The following KAT14 variants were observed in gnomAD, a reference collection of about 807,000 sequenced individuals.
KAT14 encodes cysteine-rich protein 2-binding protein.
In KAT14, 66 loss-of-function variants were observed where a neutral mutation model predicts 78.4. That is an observed-to-expected ratio of 0.84 (90% CI 0.69 to 1.03). KAT14 has a LOEUF of 1.03. Ranked by LOEUF, KAT14 falls within the 50% of genes least tolerant of loss-of-function variation. KAT14 has a pLI of 0.00. For synonymous variants in KAT14, 344 were observed against 359.4 expected, an observed-to-expected ratio of 0.96 and a Z score of 0.48; for missense variants, 870 against 972.5, an observed-to-expected ratio of 0.89 and a Z score of 1.40.
chr20:18,160,599 T>C (rs2038383532), intron 5 of KAT14, among the ~76,000 whole-genome samples: 1 of 152,132 alleles, frequency 6.6e-6, no homozygotes, highest in African/African-American at 2.4e-5. Context: ...TATTTATTTA[T>C]TTTTTAATTA....
At chr20:18,177,393 A>G (rs1479260803) in intron 7 of KAT14, among the ~76,000 whole-genome samples, 2 of 152,210 alleles carry the variant, frequency 1.3e-5, no homozygotes, top group East Asian at 1.9e-4. Context: ...TATTTCTGCT[A>G]CTTTCTGATT....
chr20:18,178,130 G>A (rs1385483070), intron 7 of KAT14, among the ~76,000 whole-genome samples: 1 of 140,194 alleles, frequency 7.1e-6, no homozygotes, highest in Admixed American at 6.9e-5. Context: ...AAAAACAAAA[G>A]TGACTTGGGT....
chr20:18,137,890 G>T lies in KAT14; in HGVS notation c.-615G>T. Reference sequence around the variant, plus strand: ...GCCTGGGCAGTACAGGCGGCGGTGCGCACTCTGCGGCGGCCTCTGCGCCTC... The same window carrying T: ...GCCTGGGCAGTACAGGCGGCGGTGCTCACTCTGCGGCGGCCTCTGCGCCTC... On this transcript the variant is annotated 5_prime_UTR_variant, in exon 1 of 11. Coordinates refer to ENST00000688188, the MANE Select transcript of KAT14 (RefSeq NM_001392073.1). The T allele has an allele frequency of 7.1e-7, 1 of 1,412,670 alleles. No individual in the cohort carries two copies. The highest frequency in any genetic ancestry group is 9.2e-7 in the Non-Finnish European group (1 of 1,083,484). 87.5% of individuals were successfully genotyped at this position (1,412,670 alleles called of 1,614,324 possible).
chr20:18,161,086 A>C (rs2038403027), intron 5 of KAT14, among the ~76,000 whole-genome samples: 1 of 151,920 alleles, frequency 6.6e-6, no homozygotes, highest in South Asian at 2.1e-4. Context: ...AGGCAGGAGA[A>C]TTGCTTGAAC....
intron 4 of KAT14, 95 bp downstream of exon 4, chr20:18,151,037 T>G (rs910242716): frequency 4.2e-5 from 62 of 1,489,232 alleles, no homozygotes; most frequent in Non-Finnish European, 5.3e-5. Context: ...TGTTAGAGAT[T>G]TATTTTAATT....
chr20:18,161,920 A>C lies in KAT14; in HGVS notation c.780A>C (p.Lys260Asn). 6.2e-7 allele frequency: 1 copy of C among 1,614,156 alleles called. No homozygotes were observed. Among genetic ancestry groups the C allele is most frequent in the Non-Finnish European group, 8.5e-7 (1 of 1,180,026 alleles). The change falls in exon 6 of 11, where the codon AAA becomes AAC. Residue 260 changes from lysine (K) to asparagine (N), a missense_variant. By Grantham distance (94) the Lys-to-Asn change is moderately conservative. Transcript: ENST00000688188. ...PVESAMELKEKRSRTQEAKDI... is the reference protein window; with the variant it reads ...PVESAMELKENRSRTQEAKDI... ...AATCTGCCATGGAATTAAAAGAGAA[A>C]AGGTCTCGAACTCAGGAAGCAAAAG...
chr20:18,180,392 C>T (rs1440287422), intron 7 of KAT14, among the ~76,000 whole-genome samples: 4 of 152,198 alleles, frequency 2.6e-5, no homozygotes, highest in Non-Finnish European at 5.9e-5. Context: ...TCACTATCAG[C>T]ATTTTTGTCA....
chr20:18,173,836 A>G (rs909965062), intron 7 of KAT14, among the ~76,000 whole-genome samples: 2 of 152,200 alleles, frequency 1.3e-5, no homozygotes, highest in Non-Finnish European at 2.9e-5. Context: ...CAGCTTTATT[A>G]ACATACAGTT....
At chr20:18,160,991 AT>A (rs2038398248) in intron 5 of KAT14, among the ~76,000 whole-genome samples, 1 of 152,072 alleles carries the variant, frequency 6.6e-6, no homozygotes, top group Non-Finnish European at 1.5e-5. Context: ...CCTGGCCAAC[AT>A]GATGAAACCC....
chr20:18,182,660 C>A (rs969458648), intron 8 of KAT14, among the ~76,000 whole-genome samples: 1 of 152,222 alleles, frequency 6.6e-6, no homozygotes, highest in Non-Finnish European at 1.5e-5. Flanking sequence ...AATTGCCCTG[C>A]AGCTCCATGA....
At position 18,187,631 on chromosome 20, in the gene KAT14, C is replaced by A; in HGVS notation, c.*172C>A. On this transcript the variant is annotated 3_prime_UTR_variant, in exon 11 of 11. Transcript: ENST00000688188. Reference sequence around the variant, plus strand: ...ATGCAGTGAAATGAGCAGTGAGCAGCCCTTTAGCAAAATCGCCCTCCAGTC... The same window carrying A: ...ATGCAGTGAAATGAGCAGTGAGCAGACCTTTAGCAAAATCGCCCTCCAGTC... The A allele has an allele frequency of 9.1e-7, 1 of 1,100,384 alleles. No homozygotes were observed. Among genetic ancestry groups the A allele is most frequent in the Non-Finnish European group, 1.2e-6 (1 of 805,046 alleles). 68.2% of individuals were successfully genotyped at this position (1,100,384 alleles called of 1,614,324 possible). A position where few individuals can be genotyped will look rare whatever the true frequency, so the allele number is the denominator to read the frequency against.
At chr20:18,171,593 C>T (rs946595170) in intron 7 of KAT14, among the ~76,000 whole-genome samples, 7 of 152,128 alleles carry the variant, frequency 4.6e-5, no homozygotes, top group African/African-American at 7.2e-5. Flanking sequence ...GGGCGGATCA[C>T]GTGAGGTCAG....
In KAT14 at chr20:18,145,224, TTCTCCTAG is replaced by T; in HGVS notation, c.260-8_260-1del. On this transcript the variant is annotated splice_acceptor_variant and splice_polypyrimidine_tract_variant and intron_variant, in intron 2 of 10. Transcript: ENST00000688188. LOFTEE classifies it high-confidence loss of function. ...AAACCCATGATGTGACTTTTTGTTTTTCTCCTAGGTCAGCTGAGGGAACAGCTCAGTTA... is the reference window on the plus strand; with the variant it reads ...AAACCCATGATGTGACTTTTTGTTTTGTCAGCTGAGGGAACAGCTCAGTTA... 6.2e-7 allele frequency: 1 copy of T among 1,613,432 alleles called. No individual in the cohort carries two copies.
intron 4 of KAT14, among the ~76,000 whole-genome samples, chr20:18,156,564 A>G (rs1302940413): frequency 6.6e-6 from 1 of 152,210 alleles, no homozygotes; most frequent in East Asian, 1.9e-4. Context: ...CTGTAACACA[A>G]ACTGGATGGC....
At chr20:18,143,058 A>G in intron 2 of KAT14, 139 bp downstream of exon 2, 1 of 1,431,694 alleles carries the variant, frequency 7.0e-7, no homozygotes, top group Non-Finnish European at 9.1e-7. Flanking sequence ...TCAGCTATAA[A>G]TTTATATAAA....
chr20:18,137,213 G>A (rs2037335670), upstream of KAT14, among the ~76,000 whole-genome samples: 1 of 152,086 alleles, frequency 6.6e-6, no homozygotes, highest in South Asian at 2.1e-4. Flanking sequence ...AGAATCGCTT[G>A]AATCCGGTAA....
chr20:18,170,102 T>C (rs1026856162), intron 7 of KAT14, among the ~76,000 whole-genome samples: 2 of 152,234 alleles, frequency 1.3e-5, no homozygotes, highest in East Asian at 3.8e-4. Flanking sequence ...GGCAGCTCTA[T>C]AACACAAAAG....
At chr20:18,147,907 T>G (rs945100842) in intron 3 of KAT14, among the ~76,000 whole-genome samples, 1 of 152,220 alleles carries the variant, frequency 6.6e-6, no homozygotes, top group Admixed American at 6.5e-5. Flanking sequence ...TTAATTAGAC[T>G]AACATAACTT....
At position 18,162,599 on chromosome 20, in the gene KAT14, G is replaced by C. The variant is rs2295182; in HGVS notation, c.1322G>C (p.Arg441Thr). Reference protein sequence around the residue: ...DSNTSLQTRAREKRKPQLEKD... With the variant: ...DSNTSLQTRATEKRKPQLEKD... ...AACACATCTTTGCAAACAAGGGCTA[G>C]AGAAAAGAGGAAGCCTCAGCTGGAG... Residue 441 changes from arginine (R) to threonine (T), a missense_variant, in exon 7 of 11, where the codon AGA (arginine) becomes ACA (threonine). By Grantham distance (71) the Arg-to-Thr change is moderately conservative. Transcript: ENST00000688188. The C allele has an allele frequency of 1.4e-5, 23 of 1,614,044 alleles. No individual in the cohort carries two copies. The highest frequency in any genetic ancestry group is 3.3e-4 in the Middle Eastern group (2 of 6,084).
Sources: gnomAD v4.1 joint callset for allele counts (sites outside exome capture counted in the v4.1 genomes callset) on GRCh38, gnomAD v4.1.1 for gene constraint, MANE v1.5 for transcripts, NCBI Gene and HGNC (gene_info 2026-07-23, HGNC 2026-07-21) for gene names.